Variants in TNIK observed in about 807,000 individuals in gnomAD.
TNIK encodes the protein TRAF2 and NCK-interacting protein kinase.
TNIK carries 49 observed loss-of-function variants against 191.3 expected under a neutral mutation model. That is an observed-to-expected ratio of 0.26 (90% CI 0.20 to 0.32). The LOEUF (loss-of-function observed/expected upper bound fraction) is 0.32. TNIK is among the 10% of genes least tolerant of loss of function. The pLI is 1.00. For synonymous variants in TNIK, 594 were observed against 600.9 expected, an observed-to-expected ratio of 0.99 and a Z score of 0.17; for missense variants, 1,155 against 1,702.3, an observed-to-expected ratio of 0.68 and a Z score of 5.66.
intron 2 of TNIK, among the ~76,000 whole-genome samples, chr3:171,273,851 GA>G (rs1050036048): frequency 3.9e-5 from 6 of 152,190 alleles, no homozygotes; most frequent in Admixed American, 3.9e-4. Flanking sequence ...GGTTTTCCAG[GA>G]GGGACATTAG....
chr3:171,346,385 G>A (rs546294047), intron 2 of TNIK, among the ~76,000 whole-genome samples: 2 of 152,188 alleles, frequency 1.3e-5, no homozygotes, highest in African/African-American at 4.8e-5. Context: ...ACTTGGATAT[G>A]TAAGTATGAT....
At chr3:171,145,780 T>G (rs1331203844) in intron 12 of TNIK, among the ~76,000 whole-genome samples, 1 of 103,584 alleles carries the variant, frequency 9.7e-6, no homozygotes. Context: ...CAGTCTTTCC[T>G]TTTTTTTTTT....
chr3:171,295,449 C>T (rs985898108), intron 2 of TNIK, among the ~76,000 whole-genome samples: 28 of 152,134 alleles, frequency 1.8e-4, no homozygotes. Flanking sequence ...AGTAGACCTC[C>T]ACCACGGGAA....
chr3:171,229,538 T>C (rs1743357631), intron 2 of TNIK, among the ~76,000 whole-genome samples: 1 of 152,204 alleles, frequency 6.6e-6, no homozygotes, highest in Non-Finnish European at 1.5e-5. Context: ...TAGAAAACAT[T>C]AGTGGGTCAA....
chr3:171,304,460 C>T (rs1490950333), intron 2 of TNIK, among the ~76,000 whole-genome samples: 1 of 152,120 alleles, frequency 6.6e-6, no homozygotes, highest in Non-Finnish European at 1.5e-5. Context: ...GGCGATTCCT[C>T]AGGGATCTAG....
rs755188270 is a variant in TNIK, at chr3:171,084,286, T to G, written c.3038A>C (p.Lys1013Thr). The G allele has an allele frequency of 6.2e-7, 1 of 1,613,884 alleles. No homozygotes were observed. Among genetic ancestry groups the G allele is most frequent in the East Asian group, 2.2e-5 (1 of 44,874 alleles). ...CGAAATCTTTCTTGCTTCATTGAGT[T>G]TGGCCTGTTCTTGCCTAAGAAGTTC... is the stretch of plus-strand genomic sequence containing the variant. ...TSELLRQEQA[K>T]LNEARKISVV... The change falls in exon 26 of 33, where the codon AAA becomes ACA. Residue 1013 changes from lysine (K) to threonine (T), a missense_variant. Lys to Thr is a moderately conservative substitution (Grantham distance 78). Coordinates refer to ENST00000436636, the MANE Select transcript of TNIK (RefSeq NM_015028.4).
chr3:171,414,224 C>T (rs1247591858), intron 1 of TNIK, among the ~76,000 whole-genome samples: 1 of 152,220 alleles, frequency 6.6e-6, no homozygotes, highest in African/African-American at 2.4e-5. Flanking sequence ...TCACACAGAG[C>T]ATGCTGATTT....
intron 1 of TNIK, among the ~76,000 whole-genome samples, chr3:171,451,794 AT>A (rs1169317647): frequency 6.6e-6 from 1 of 152,188 alleles, no homozygotes; most frequent in African/African-American, 2.4e-5. Flanking sequence ...GTAGCACCCA[AT>A]AATCAGGTAC....
chr3:171,079,940 C>A (rs918544397), intron 27 of TNIK, among the ~76,000 whole-genome samples: 2 of 152,206 alleles, frequency 1.3e-5, no homozygotes, highest in African/African-American at 4.8e-5. Flanking sequence ...CAATGCAAAG[C>A]AGTGTCTGCT....
intron 1 of TNIK, among the ~76,000 whole-genome samples, chr3:171,441,692 C>T (rs1259375283): frequency 3.3e-5 from 5 of 152,120 alleles, no homozygotes; most frequent in African/African-American, 4.8e-5. Flanking sequence ...CTTGCTAGGT[C>T]GTGTAGTAAG....
Position 171,188,738 on chromosome 3 carries a change from G to A in TNIK, c.603C>T (p.Ala201=). ...ATGTGGCATCTGGGTTTTCATCACA[G>A]GCAATAACTTCTGGTGCCATCCAGT... ...TPYWMAPEVI[A]CDENPDATYD... The change falls in exon 7 of 33, where the codon GCC becomes GCT. Residue 201 remains alanine, a synonymous_variant. Transcript: ENST00000436636. 1 of 1,613,618 alleles carries A rather than the reference G, an allele frequency of 6.2e-7. No individual in the cohort carries two copies. Among genetic ancestry groups the A allele is most frequent in the Non-Finnish European group, 8.5e-7 (1 of 1,179,598 alleles).
intron 10 of TNIK, among the ~76,000 whole-genome samples, chr3:171,164,977 C>A (rs1437400653): frequency 6.6e-6 from 1 of 152,196 alleles, no homozygotes; most frequent in Admixed American, 6.5e-5. Context: ...CTTCAAGTCC[C>A]TGCTAGCTGC....
At chr3:171,207,954 G>A (rs1740303660) in intron 4 of TNIK, among the ~76,000 whole-genome samples, 2 of 152,186 alleles carry the variant, frequency 1.3e-5, no homozygotes, top group Admixed American at 1.3e-4. Context: ...TCAGAGAGCA[G>A]ACAGTCTTTT....
chr3:171,282,346 T>TTTTTTTTTG (rs1239390672), intron 2 of TNIK, among the ~76,000 whole-genome samples: 3 of 143,210 alleles, frequency 2.1e-5, no homozygotes, highest in African/African-American at 7.9e-5. Flanking sequence ...TTTTTGTTTT[T>TTTTTTTTTG]TTTTTTTTTT....
At chr3:171,181,853 T>C (rs1467701089) in intron 7 of TNIK, among the ~76,000 whole-genome samples, 1 of 152,228 alleles carries the variant, frequency 6.6e-6, no homozygotes, top group Non-Finnish European at 1.5e-5. Flanking sequence ...GACAAAAGCA[T>C]TCCTAAGTGA....
At chr3:171,210,086 A>C (rs73879510) in intron 4 of TNIK, among the ~76,000 whole-genome samples, 6,450 of 152,286 alleles carry the variant, frequency 0.042, 453 homozygotes, top group African/African-American at 0.15. Context: ...CAAGACAGTA[A>C]GAGGTTAAAA....
rs375892669 is a variant in TNIK, at chr3:171,276,735, G to A, written c.124-48514C>T. On this transcript the variant is annotated intron_variant, in intron 2 of 32. Coordinates refer to ENST00000436636, the MANE Select transcript of TNIK (RefSeq NM_015028.4). ...GGTGCCAAGAGCCTAATTTTACAAAGTAGGGAATCTAAAAGATACTGTTTG... is the reference window on the plus strand; with the variant it reads ...GGTGCCAAGAGCCTAATTTTACAAAATAGGGAATCTAAAAGATACTGTTTG... Among the ~76,000 whole-genome samples, 111 of 152,282 alleles carry A rather than the reference G, an allele frequency of 7.3e-4. 1 individual carries two copies. The South Asian group carries it at 0.021, about 29-fold the overall frequency.
At chr3:171,448,563 T>G (rs545739227) in intron 1 of TNIK, among the ~76,000 whole-genome samples, 1 of 149,614 alleles carries the variant, frequency 6.7e-6, no homozygotes, top group African/African-American at 2.5e-5. Context: ...TAAATATTCA[T>G]GTACACTTTT....
In TNIK at chr3:171,231,813, C is replaced by T. The variant is rs909554018; in HGVS notation, c.124-3592G>A. Among the ~76,000 whole-genome samples, 5 of 152,152 alleles carry T rather than the reference C, an allele frequency of 3.3e-5. No homozygotes were observed. In the East Asian group the frequency reaches 7.7e-4, roughly 23 times the overall value. On this transcript the variant is annotated intron_variant, in intron 2 of 32. Transcript: ENST00000436636. ...AAATGAATTGAGTAGGAAGGGGCCC[C>T]TAAGAGCCTAACCCAATCCTCTCCT... is the stretch of plus-strand genomic sequence containing the variant.
Sources: gnomAD v4.1 joint callset for allele counts (sites outside exome capture counted in the v4.1 genomes callset) on GRCh38, gnomAD v4.1.1 for gene constraint, MANE v1.5 for transcripts, NCBI Gene and HGNC (gene_info 2026-07-23, HGNC 2026-07-21) for gene names.